The following M1AP variants were observed in gnomAD, a reference collection of about 807,000 sequenced individuals.
M1AP encodes the protein meiosis 1 arrest protein.
A neutral mutation model predicts 51.2 loss-of-function variants in M1AP; 39 were observed. The observed-to-expected ratio is 0.76, with a 90% CI of 0.59 to 1.00. The LOEUF (loss-of-function observed/expected upper bound fraction) is 1.00, where lower values mean the gene tolerates loss of function less well. Among genes scored for constraint, M1AP ranks in the 50% least tolerant of loss-of-function variants. M1AP has a pLI of 0.00. For missense variants in M1AP, 545 were observed against 641.2 expected (o/e 0.85, Z 1.62); for synonymous variants, 251 against 249.2 (o/e 1.01, Z -0.07).
In M1AP at chr2:74,640,180, C is replaced by T. The variant is rs936984707; in HGVS notation, c.96G>A (p.Pro32=). 1.2e-5 allele frequency: 19 copies of T among 1,613,976 alleles called. No homozygotes were observed. In the African/African-American group the frequency reaches 1.6e-4, roughly 14 times the overall value. ...GGTTGGTGCAGATGTCAGCCCAGGA[C>T]GGTAGAGCAATGTGCACAATGAGAA... ...PRLLIVHIAL[P]SWADICTNLC... is the part of the protein sequence containing the mutation. Residue 32 remains proline (P), a synonymous_variant, in exon 2 of 11, where the codon CCG becomes CCA. Transcript: ENST00000421985.
chr2:74,630,152 G>T (rs1454730042), intron 2 of M1AP, among the ~76,000 whole-genome samples: 1 of 151,926 alleles, frequency 6.6e-6, no homozygotes, highest in Non-Finnish European at 1.5e-5. Context: ...GCCCAGGCTG[G>T]TCTTGAACTC....
chr2:74,647,943 G>T, intron 1 of M1AP: 1 of 858,748 alleles, frequency 1.2e-6, no homozygotes, highest in Non-Finnish European at 1.4e-6. Context: ...GCTCCCTGAA[G>T]CCTCCGTGGT....
At chr2:74,586,740 C>A (rs1307514100) in intron 4 of M1AP, among the ~76,000 whole-genome samples, 2 of 152,186 alleles carry the variant, frequency 1.3e-5, no homozygotes, top group South Asian at 4.1e-4. Context: ...GTGGCTCACG[C>A]CTGTAATCCC....
intron 2 of M1AP, among the ~76,000 whole-genome samples, chr2:74,634,526 C>T (rs915068964): frequency 1.3e-5 from 2 of 152,140 alleles, no homozygotes; most frequent in South Asian, 2.1e-4. Context: ...TTCATTTCTT[C>T]GTGTCCAAGC....
At chr2:74,616,797 C>T (rs1442994114) in intron 2 of M1AP, among the ~76,000 whole-genome samples, 1 of 152,154 alleles carries the variant, frequency 6.6e-6, no homozygotes, top group Non-Finnish European at 1.5e-5. Flanking sequence ...AAATGTTTCT[C>T]TTAATAATTG....
intron 2 of M1AP, among the ~76,000 whole-genome samples, chr2:74,635,692 G>A (rs1003580871): frequency 6.6e-6 from 1 of 151,996 alleles, no homozygotes; most frequent in Non-Finnish European, 1.5e-5. Context: ...TCAGTTCAAT[G>A]TATTGTCTTT....
chr2:74,584,603 C>G (rs1023392419), intron 4 of M1AP, among the ~76,000 whole-genome samples: 2 of 151,418 alleles, frequency 1.3e-5, no homozygotes, highest in African/African-American at 4.8e-5. Context: ...TGATGAGACA[C>G]TCCTACCACA....
At chr2:74,614,647 T>G (rs1681558692) in intron 3 of M1AP, among the ~76,000 whole-genome samples, 1 of 152,262 alleles carries the variant, frequency 6.6e-6, no homozygotes, top group Non-Finnish European at 1.5e-5. Context: ...GTAGGCAGTT[T>G]AACATTTTCT....
At chr2:74,609,218 C>T (rs142395060) in intron 3 of M1AP, among the ~76,000 whole-genome samples, 9 of 151,970 alleles carry the variant, frequency 5.9e-5, no homozygotes, top group Non-Finnish European at 1.3e-4. Context: ...ACCCTTCCCC[C>T]CTATCCTCAG....
At chr2:74,642,701 A>G (rs969030584) in intron 1 of M1AP, among the ~76,000 whole-genome samples, 7 of 152,188 alleles carry the variant, frequency 4.6e-5, no homozygotes, top group Admixed American at 1.3e-4. Flanking sequence ...ATCTAAAATA[A>G]TCTACAGCTT....
In M1AP at chr2:74,557,978, A is replaced by AT. The variant is rs1417894685; in HGVS notation, c.*737dup. ...CTCGAACTCCTGGCCTCAAGTGATCATCCCACCTCAGCCTCTCAAAGTGTT... is the reference window on the plus strand; with the variant it reads ...CTCGAACTCCTGGCCTCAAGTGATCATTCCCACCTCAGCCTCTCAAAGTGTT... On this transcript the variant is annotated 3_prime_UTR_variant, in exon 11 of 11. Transcript: ENST00000421985. 1 of 151,782 alleles carries AT rather than the reference A, an allele frequency of 6.6e-6. No homozygotes were observed. Among genetic ancestry groups the AT allele is most frequent in the Non-Finnish European group, 1.5e-5 (1 of 68,072 alleles). The allele number at this position is 151,782 out of a possible 1,614,324, so 9.4% of individuals were successfully genotyped here. A position where few individuals can be genotyped will look rare whatever the true frequency, so the allele number is the denominator to read the frequency against.
At chr2:74,561,794 G>T in intron 8 of M1AP, 1 of 701,626 alleles carries the variant, frequency 1.4e-6, no homozygotes, top group Non-Finnish European at 1.8e-6. Context: ...TGCTGGTGTT[G>T]TGGCTTCCTC....
chr2:74,575,520 C>A lies in M1AP; in HGVS notation c.992G>T (p.Arg331Ile), dbSNP rs1482336712. Residue 331 changes from arginine to isoleucine, a missense_variant, in exon 7 of 11, where the codon AGA becomes ATA. By Grantham distance (97) the Arg-to-Ile change is moderately conservative. Transcript: ENST00000421985. Reference sequence around the variant, plus strand: ...GTCCAGCTGCCAACAGCTTGTAGGTCTGAGGATGAACGGGAGTCCATATGT... The same window carrying A: ...GTCCAGCTGCCAACAGCTTGTAGGTATGAGGATGAACGGGAGTCCATATGT... ...SLTYGLPFIL[R>I]PTSCWQLDWD... 1 of 1,614,070 alleles carries A rather than the reference C, an allele frequency of 6.2e-7. No homozygotes were observed. Among genetic ancestry groups the A allele is most frequent in the Non-Finnish European group, 8.5e-7 (1 of 1,180,040 alleles).
intron 4 of M1AP, among the ~76,000 whole-genome samples, chr2:74,598,621 CTTTTTTTTT>C (rs534856535): frequency 1.7e-5 from 2 of 114,398 alleles, no homozygotes; most frequent in African/African-American, 3.9e-5. Flanking sequence ...TGTATATCAA[CTTTTTTTTT>C]TTTTTTTTTT....
chr2:74,646,820 T>G (rs1462772361), intron 1 of M1AP, among the ~76,000 whole-genome samples: 1 of 152,242 alleles, frequency 6.6e-6, no homozygotes, highest in Non-Finnish European at 1.5e-5. Context: ...AACTGTAATT[T>G]TTCCCATTGG....
chr2:74,624,792 C>T (rs1017983920), intron 2 of M1AP, among the ~76,000 whole-genome samples: 3 of 152,126 alleles, frequency 2.0e-5, no homozygotes, highest in African/African-American at 7.2e-5. Flanking sequence ...CATTTCACAT[C>T]ATTATAGAGT....
intron 2 of M1AP, 69 bp from the exon 3 acceptor site, chr2:74,615,218 A>G (rs766287804): frequency 2.2e-6 from 3 of 1,339,906 alleles, no homozygotes; most frequent in Non-Finnish European, 3.2e-6. Context: ...GGCAGTCTAA[A>G]TTTATTATAA....
chr2:74,631,259 A>T (rs574948172), intron 2 of M1AP, among the ~76,000 whole-genome samples: 4 of 151,354 alleles, frequency 2.6e-5, no homozygotes, highest in African/African-American at 9.7e-5. Context: ...TTTTATTTTT[A>T]TTTTTTCTGT....
At chr2:74,563,069 G>A (rs1678133665) in intron 7 of M1AP, among the ~76,000 whole-genome samples, 1 of 152,130 alleles carries the variant, frequency 6.6e-6, no homozygotes, top group Admixed American at 6.5e-5. Context: ...CAGTATCCCT[G>A]GAATGTCCAG....
Sources: gnomAD v4.1 joint callset for allele counts (sites outside exome capture counted in the v4.1 genomes callset) on GRCh38, gnomAD v4.1.1 for gene constraint, MANE v1.5 for transcripts, NCBI Gene and HGNC (gene_info 2026-07-23, HGNC 2026-07-21) for gene names.